Variants in TEK observed in about 807,000 individuals in gnomAD.
TEK encodes the protein TEK receptor tyrosine kinase.
In TEK, 43 loss-of-function variants were observed where a neutral mutation model predicts 131.8. That is an observed-to-expected ratio of 0.33 (90% CI 0.26 to 0.42). The LOEUF is 0.42. Among genes scored for constraint, TEK ranks in the 10% least tolerant of loss-of-function variants. The probability of loss-of-function intolerance (pLI) is 1.00; values close to 1 mark genes in which losing one functional copy is unlikely to be tolerated. For synonymous variants in TEK, 580 were observed against 491.6 expected, an observed-to-expected ratio of 1.18 and a Z score of -2.38; for missense variants, 1,162 against 1,384.4, an observed-to-expected ratio of 0.84 and a Z score of 2.55.
chr9:27,167,162 G>A (rs985054747), intron 2 of TEK, among the ~76,000 whole-genome samples: 7 of 152,184 alleles, frequency 4.6e-5, no homozygotes, highest in African/African-American at 1.7e-4. Context: ...ATAAGCCAAG[G>A]GAATCAGTCA....
At chr9:27,224,678 T>A (rs1222837629) in intron 21 of TEK, among the ~76,000 whole-genome samples, 1 of 152,134 alleles carries the variant, frequency 6.6e-6, no homozygotes, top group Non-Finnish European at 1.5e-5. Context: ...CTGGAAGCAT[T>A]CCCTTTGAAA....
At chr9:27,205,120 C>G in intron 14 of TEK, 55 bp downstream of exon 14, 1 of 1,606,086 alleles carries the variant, frequency 6.2e-7, no homozygotes, top group Non-Finnish European at 8.5e-7. Context: ...ACAGGCAGAA[C>G]CTTCACTTTA....
Position 27,109,338 on chromosome 9 carries a change from A to T in TEK, c.-253A>T. ...AGTGCCCCCAGCCCTGCTGATACCA[A>T]ATGCCTTTAAGATACAGCCTTTCCC... On this transcript the variant is annotated 5_prime_UTR_variant, in exon 1 of 23. Coordinates refer to ENST00000380036, the MANE Select transcript of TEK (RefSeq NM_000459.5). 1.7e-6 allele frequency: 1 copy of T among 598,632 alleles called. No homozygotes were observed. The highest frequency in any genetic ancestry group is 2.8e-5 in the East Asian group (1 of 36,206). 37.1% of individuals were successfully genotyped at this position (598,632 alleles called of 1,614,324 possible). A position where few individuals can be genotyped will look rare whatever the true frequency, so the allele number is the denominator to read the frequency against.
intron 1 of TEK, among the ~76,000 whole-genome samples, chr9:27,150,238 G>A (rs746185540): frequency 2.0e-5 from 3 of 152,104 alleles, no homozygotes; most frequent in Admixed American, 6.6e-5. Flanking sequence ...AGCACTTGAG[G>A]GCTGGCTCTA....
chr9:27,181,316 C>T (rs1824364173), intron 7 of TEK, among the ~76,000 whole-genome samples: 1 of 152,002 alleles, frequency 6.6e-6, no homozygotes. Context: ...CACAGTTTGT[C>T]TGTGAGTTTT....
At chr9:27,207,134 T>C (rs1190007789) in intron 15 of TEK, among the ~76,000 whole-genome samples, 6 of 152,238 alleles carry the variant, frequency 3.9e-5, no homozygotes, top group African/African-American at 1.4e-4. Context: ...AAGGCTTGTT[T>C]AAAAACAGGC....
intron 11 of TEK, among the ~76,000 whole-genome samples, 158 bp downstream of exon 11, chr9:27,192,781 A>G (rs1014300279): frequency 6.6e-6 from 1 of 152,146 alleles, no homozygotes; most frequent in African/African-American, 2.4e-5. Context: ...AGTGACAGGA[A>G]GGCTAGCAAC....
At chr9:27,120,033 A>G (rs1821722959) in intron 1 of TEK, among the ~76,000 whole-genome samples, 1 of 152,218 alleles carries the variant, frequency 6.6e-6, no homozygotes. Context: ...TGCATCTGGA[A>G]AGGATGTTCT....
intron 20 of TEK, 123 bp from the exon 21 acceptor site, chr9:27,219,926 G>A: frequency 2.1e-6 from 2 of 975,104 alleles, no homozygotes; most frequent in Admixed American, 3.5e-5. Flanking sequence ...GAGGCATGCA[G>A]GATGCTCACC....
chr9:27,174,899 G>A (rs1009395554), intron 6 of TEK, among the ~76,000 whole-genome samples: 2 of 152,040 alleles, frequency 1.3e-5, no homozygotes, highest in Non-Finnish European at 2.9e-5. Context: ...GTGCATGCCA[G>A]CAGTCTCTAG....
In TEK at chr9:27,190,691, G is replaced by A; in HGVS notation, c.1489+1G>A. ...TATGAGGCTTGGCAACATATTCAAGGTAAGCTTTGGACAGGATAGATGCCA... is the reference window on the plus strand; with the variant it reads ...TATGAGGCTTGGCAACATATTCAAGATAAGCTTTGGACAGGATAGATGCCA... On this transcript the variant is annotated splice_donor_variant, in intron 10 of 22. Transcript: ENST00000380036. LOFTEE classifies it high-confidence loss of function. The A allele has an allele frequency of 1.2e-6, 2 of 1,613,884 alleles. No individual in the cohort carries two copies. The highest frequency in any genetic ancestry group is 1.7e-6 in the Non-Finnish European group (2 of 1,179,832).
chr9:27,220,017 G>C (rs1304440330), intron 20 of TEK, 32 bp from the exon 21 acceptor site: 17 of 1,606,468 alleles, frequency 1.1e-5, no homozygotes, highest in Non-Finnish European at 1.4e-5. Flanking sequence ...TCATGCCAGA[G>C]AGGACTTAGA....
chr9:27,136,654 G>A (rs1439089574), intron 1 of TEK, among the ~76,000 whole-genome samples: 4 of 151,964 alleles, frequency 2.6e-5, no homozygotes, highest in African/African-American at 4.8e-5. Flanking sequence ...CTGAACTGAC[G>A]ACTGGAGACA....
At chr9:27,169,717 C>T (rs1823878012) in intron 4 of TEK, 88 bp downstream of exon 4, 1 of 1,579,220 alleles carries the variant, frequency 6.3e-7, no homozygotes. Context: ...CTAACCATGG[C>T]TTCTTAAGCA....
intron 16 of TEK, 137 bp from the exon 17 acceptor site, chr9:27,212,570 C>A: frequency 1.1e-6 from 1 of 881,166 alleles, no homozygotes; most frequent in Non-Finnish European, 1.8e-6. Flanking sequence ...TCCTGTCCCC[C>A]AGTGCTCCCT....
chr9:27,161,998 G>T (rs1823563988), intron 2 of TEK, among the ~76,000 whole-genome samples: 1 of 152,068 alleles, frequency 6.6e-6, no homozygotes, highest in Non-Finnish European at 1.5e-5. Flanking sequence ...ACATATTATG[G>T]AGTTTTACAC....
At chr9:27,208,745 C>G (rs552139908) in intron 15 of TEK, among the ~76,000 whole-genome samples, 1 of 152,294 alleles carries the variant, frequency 6.6e-6, no homozygotes, top group South Asian at 2.1e-4. Context: ...CCACCTCTAC[C>G]AAGTCATTTA....
chr9:27,129,494 A>G (rs1349043414), intron 1 of TEK, among the ~76,000 whole-genome samples: 1 of 152,106 alleles, frequency 6.6e-6, no homozygotes, highest in Non-Finnish European at 1.5e-5. Flanking sequence ...CCTTGCATAT[A>G]TACCACTTGG....
chr9:27,145,087 C>A (rs550370423), intron 1 of TEK, among the ~76,000 whole-genome samples: 25 of 152,208 alleles, frequency 1.6e-4, no homozygotes, highest in African/African-American at 6.0e-4. Context: ...AGTGGTCTCC[C>A]TGAGGTTCAG....
Sources: gnomAD v4.1 joint callset for allele counts (sites outside exome capture counted in the v4.1 genomes callset) on GRCh38, gnomAD v4.1.1 for gene constraint, MANE v1.5 for transcripts, NCBI Gene and HGNC (gene_info 2026-07-23, HGNC 2026-07-21) for gene names.